The following EPB41L3 variants were observed in gnomAD, a reference collection of about 807,000 sequenced individuals.
EPB41L3 encodes erythrocyte membrane protein band 4.1 like 3, also known as band 4.1-like protein 3.
Under a neutral mutation model 127.1 loss-of-function variants are expected in EPB41L3, and 57 were observed. The observed-to-expected ratio is 0.45, with a 90% CI of 0.36 to 0.56. EPB41L3 has a LOEUF of 0.56. EPB41L3 is among the 20% of genes least tolerant of loss of function. EPB41L3 has a pLI of 0.00. For synonymous variants in EPB41L3, 572 were observed against 549.5 expected, an observed-to-expected ratio of 1.04 and a Z score of -0.57; for missense variants, 1,273 against 1,372.2, an observed-to-expected ratio of 0.93 and a Z score of 1.14.
At chr18:5,536,816 G>A (rs960513942) in intron 1 of EPB41L3, among the ~76,000 whole-genome samples, 2 of 152,150 alleles carry the variant, frequency 1.3e-5, no homozygotes, top group Non-Finnish European at 2.9e-5. Context: ...GGGCAACAGA[G>A]TGAGACTCTG....
chr18:5,579,834 G>A (rs1188091471), intron 3 of EPB41L3, among the ~76,000 whole-genome samples: 3 of 152,220 alleles, frequency 2.0e-5, no homozygotes, highest in Non-Finnish European at 4.4e-5. Context: ...AGATGGGAAT[G>A]TTTCACTCTC....
intron 13 of EPB41L3, among the ~76,000 whole-genome samples, chr18:5,411,067 T>A (rs536530922): frequency 5.3e-4 from 81 of 152,360 alleles, no homozygotes; most frequent in African/African-American, 1.5e-3. Context: ...CAGAAAAAGC[T>A]ACTGTAACAG....
chr18:5,581,409 A>G (rs1247832794), intron 3 of EPB41L3, among the ~76,000 whole-genome samples: 1 of 152,226 alleles, frequency 6.6e-6, no homozygotes, highest in African/African-American at 2.4e-5. Flanking sequence ...ATTTTAAGAT[A>G]CTAGAGACTC....
At chr18:5,497,366 C>G (rs907845444) in intron 1 of EPB41L3, among the ~76,000 whole-genome samples, 2 of 152,132 alleles carry the variant, frequency 1.3e-5, no homozygotes, top group Admixed American at 6.5e-5. Context: ...GGGATGGCAA[C>G]AGTCCAGGTG....
intron 3 of EPB41L3, among the ~76,000 whole-genome samples, chr18:5,576,932 A>C (rs1046284200): frequency 6.6e-6 from 1 of 152,208 alleles, no homozygotes; most frequent in Non-Finnish European, 1.5e-5. Flanking sequence ...AGTTGCCATC[A>C]CAACTGAAAG....
upstream of EPB41L3, among the ~76,000 whole-genome samples, chr18:5,630,021 G>C (rs1006916799): frequency 3.9e-5 from 6 of 152,184 alleles, no homozygotes; most frequent in African/African-American, 1.4e-4. Flanking sequence ...TGCGCTCGCC[G>C]GGCCCCGCGC....
intron 3 of EPB41L3, among the ~76,000 whole-genome samples, chr18:5,574,051 C>T (rs1420089467): frequency 6.6e-6 from 1 of 152,012 alleles, no homozygotes. Flanking sequence ...GCTGGGACTA[C>T]AGGCACGCAC....
At chr18:5,518,054 G>A (rs909656607) in intron 1 of EPB41L3, among the ~76,000 whole-genome samples, 3 of 152,032 alleles carry the variant, frequency 2.0e-5, no homozygotes, top group Non-Finnish European at 4.4e-5. Flanking sequence ...TCCCTGCTCC[G>A]TCTCCTCTCT....
At chr18:5,409,826 C>G (rs1200057213) in intron 14 of EPB41L3, among the ~76,000 whole-genome samples, 1 of 151,708 alleles carries the variant, frequency 6.6e-6, no homozygotes, top group East Asian at 1.9e-4. Context: ...TCCATTAGTA[C>G]AGATATTATT....
chr18:5,397,713 C>A lies in EPB41L3; in HGVS notation c.2473-287G>T, dbSNP rs1293309406. 6.6e-6 allele frequency among the ~76,000 whole-genome samples: 1 copy of A among 152,296 alleles called. No individual in the cohort carries two copies. Among genetic ancestry groups the A allele is most frequent in the East Asian group, 1.9e-4 (1 of 5,184 alleles). The stretch of plus-strand genomic sequence containing the variant: ...TAACAAAACAAAAACCAAAGCATTG[C>A]AGCGCATTCACGTTGGTTTTGGCTG... On this transcript the variant is annotated intron_variant, in intron 17 of 22. Coordinates refer to ENST00000341928, the MANE Select transcript of EPB41L3 (RefSeq NM_012307.5). This position sits in a 1 kb window ranked among gnomAD's most constrained non-coding sequence, Gnocchi z 4.1.
chr18:5,410,040 G>T (rs115712113), intron 14 of EPB41L3, among the ~76,000 whole-genome samples: 1,907 of 152,058 alleles, frequency 0.013, 38 homozygotes, highest in African/African-American at 0.042. Context: ...AGTGACCGAG[G>T]CTACAGTCAA....
chr18:5,559,237 A>G (rs1367758079), intron 3 of EPB41L3, among the ~76,000 whole-genome samples: 1 of 152,244 alleles, frequency 6.6e-6, no homozygotes, highest in Non-Finnish European at 1.5e-5. Context: ...ATGTTCTTAT[A>G]TCATTAAGTC....
intron 3 of EPB41L3, among the ~76,000 whole-genome samples, chr18:5,569,709 G>T (rs558463477): frequency 4.6e-5 from 7 of 152,104 alleles, no homozygotes; most frequent in African/African-American, 1.7e-4. Context: ...GGTGGGTAGT[G>T]GTTTTTCCGG....
At chr18:5,467,921 C>T (rs1316149401) in intron 3 of EPB41L3, among the ~76,000 whole-genome samples, 1 of 152,170 alleles carries the variant, frequency 6.6e-6, no homozygotes. Context: ...CCAGCTGCAG[C>T]TGTGGATTTG....
chr18:5,608,634 A>G (rs1880724), intron 3 of EPB41L3, among the ~76,000 whole-genome samples: 28,095 of 152,080 alleles, frequency 0.18, 4,958 homozygotes, highest in African/African-American at 0.47. Context: ...CTCATAATCA[A>G]TTTAAAGGGG....
intron 1 of EPB41L3, among the ~76,000 whole-genome samples, chr18:5,493,903 C>T (rs962766413): frequency 6.6e-6 from 1 of 152,188 alleles, no homozygotes; most frequent in African/African-American, 2.4e-5. Context: ...TTCCTTCTAT[C>T]TTTTCTGGCT....
intron 3 of EPB41L3, among the ~76,000 whole-genome samples, chr18:5,573,932 A>G: frequency 6.8e-6 from 1 of 148,010 alleles, no homozygotes. Context: ...TTTTTTTGAG[A>G]CGGAATCTGG....
chr18:5,428,232 C>T (rs2078493774), intron 9 of EPB41L3, 81 bp downstream of exon 9: 2 of 1,535,828 alleles, frequency 1.3e-6, no homozygotes, highest in African/African-American at 2.7e-5. Flanking sequence ...ATGCTCAGAA[C>T]TCATAAGCAG....
At chr18:5,446,681 A>C (rs183143959) in intron 3 of EPB41L3, among the ~76,000 whole-genome samples, 7 of 152,342 alleles carry the variant, frequency 4.6e-5, no homozygotes, top group Admixed American at 4.6e-4. Flanking sequence ...CTCAAGCATG[A>C]CTATTTAGGA....
Sources: gnomAD v4.1 joint callset for allele counts (sites outside exome capture counted in the v4.1 genomes callset) on GRCh38, gnomAD v4.1.1 for gene constraint, Gnocchi (gnomAD v3.1) non-coding constraint, MANE v1.5 for transcripts, NCBI Gene and HGNC (gene_info 2026-07-23, HGNC 2026-07-21) for gene names.